CCDC181: variants seen among roughly 807,000 people sequenced by gnomAD.
The protein encoded by CCDC181 is coiled-coil domain-containing protein 181.
A neutral mutation model predicts 58.7 loss-of-function variants in CCDC181; 35 were observed. The ratio of observed to expected loss-of-function variants is 0.60; its 90% confidence interval spans 0.46 to 0.79. The LOEUF is 0.79. Among genes scored for constraint, CCDC181 ranks in the 30% least tolerant of loss-of-function variants. The pLI is 0.00. For synonymous variants in CCDC181, 183 were observed against 197.5 expected (o/e 0.93, Z 0.62); for missense variants, 517 against 583.9 (o/e 0.89, Z 1.18).
chr1:169,403,670 G>C (rs190218489), intron 4 of CCDC181, among the ~76,000 whole-genome samples: 43 of 152,318 alleles, frequency 2.8e-4, no homozygotes, highest in Admixed American at 5.9e-4. Context: ...AGTGTGTAGA[G>C]TGAAATTTAT....
At chr1:169,407,660 C>T (rs1439387612) in intron 4 of CCDC181, among the ~76,000 whole-genome samples, 2 of 152,120 alleles carry the variant, frequency 1.3e-5, no homozygotes, top group South Asian at 2.1e-4. Flanking sequence ...ATAGGAACAG[C>T]TCCAATCTGC....
At chr1:169,455,819 C>T (rs997506392) in intron 2 of CCDC181, among the ~76,000 whole-genome samples, 4 of 152,100 alleles carry the variant, frequency 2.6e-5, no homozygotes, top group African/African-American at 9.7e-5. Context: ...TGCAGGTGTG[C>T]ACTCACACAT....
In CCDC181 at chr1:169,422,127, T is replaced by A; in HGVS notation, c.304A>T (p.Asn102Tyr). The A allele has an allele frequency of 5.6e-6, 9 of 1,613,542 alleles. No individual in the cohort carries two copies. Among genetic ancestry groups the A allele is most frequent in the Non-Finnish European group, 7.6e-6 (9 of 1,179,648 alleles). Residue 102 changes from asparagine to tyrosine, a missense_variant, in exon 3 of 6, where the codon AAC (asparagine) becomes TAC (tyrosine). Transcript: ENST00000367806. Reference sequence around the variant, plus strand: ...TCTAGTTTGGATTCCTGGAAAGAGTTTTCACTATCTGAATCTGATATGGGA... The same window carrying A: ...TCTAGTTTGGATTCCTGGAAAGAGTATTCACTATCTGAATCTGATATGGGA... ...LDPISDSDSENSFQESKLESQ... is the reference protein window; with the variant it reads ...LDPISDSDSEYSFQESKLESQ...
At chr1:169,428,004 A>G (rs1274456193), upstream of CCDC181, among the ~76,000 whole-genome samples, 2 of 152,208 alleles carry the variant, frequency 1.3e-5, no homozygotes, top group African/African-American at 4.8e-5. Context: ...GATTTTAACA[A>G]CTATCCATTC....
At chr1:169,429,288 A>C (rs913284976), upstream of CCDC181, among the ~76,000 whole-genome samples, 3 of 152,180 alleles carry the variant, frequency 2.0e-5, no homozygotes, top group African/African-American at 4.8e-5. Context: ...TTTTTCACAT[A>C]ATGACTTCTT....
chr1:169,412,143 C>T (rs1490009841), intron 4 of CCDC181, among the ~76,000 whole-genome samples: 1 of 152,024 alleles, frequency 6.6e-6, no homozygotes, highest in African/African-American at 2.4e-5. Flanking sequence ...TCATCTTAGC[C>T]CAAAATCTCC....
At chr1:169,397,449 C>T in intron 4 of CCDC181, 58 bp from the exon 5 acceptor site, 3 of 1,434,288 alleles carry the variant, frequency 2.1e-6, no homozygotes, top group Non-Finnish European at 2.8e-6. Context: ...ATTTTGAAGC[C>T]CTGCTTATGG....
chr1:169,459,929 AGGAGGAGGCGGAGGG>A (rs1657799392), intron 1 of CCDC181: 1 of 145,690 alleles, frequency 6.9e-6, no homozygotes, highest in African/African-American at 2.7e-5. Flanking sequence ...AAAAAAAAAA[AGGAGGAGGCGGAGGG>A]GAAGCAGGAG....
chr1:169,440,225 T>C (rs1389408503), intron 2 of CCDC181, among the ~76,000 whole-genome samples: 1 of 152,184 alleles, frequency 6.6e-6, no homozygotes, highest in African/African-American at 2.4e-5. Flanking sequence ...CAGCCCCCAG[T>C]CCAAGAGAAC....
rs1038165980 is a variant in CCDC181 at position 169,451,735 on chromosome 1, GA to G, written c.-24+8061del. Among the ~76,000 whole-genome samples the G allele has an allele frequency of 3.6e-5, 5 of 140,120 alleles. 1 individual carries two copies. The highest frequency in any genetic ancestry group is 3.1e-4 in the Admixed American group (4 of 13,036). The allele number at this position is 140,120 out of a possible 152,430, so 91.9% of individuals were successfully genotyped here. A position where few individuals can be genotyped will look rare whatever the true frequency, so the allele number is the denominator to read the frequency against. On this transcript the variant is annotated intron_variant, in intron 2 of 6. Coordinates refer to the CCDC181 transcript ENST00000545005. ...AATACCCAAGCTGGCGCAATTTAAA[GA>G]AAAAAAAAAGATGACATGAAAATTG...
At chr1:169,458,189 G>GTT (rs200027213) in intron 2 of CCDC181, among the ~76,000 whole-genome samples, 2 of 74,480 alleles carry the variant, frequency 2.7e-5, no homozygotes, top group African/African-American at 4.3e-5. Flanking sequence ...TTTTTTTTTT[G>GTT]TTTTGTTTTT....
At chr1:169,432,443 A>T (rs1432635384), upstream of CCDC181, among the ~76,000 whole-genome samples, 1 of 152,126 alleles carries the variant, frequency 6.6e-6, no homozygotes, top group African/African-American at 2.4e-5. Flanking sequence ...ATGGCTGAAA[A>T]CTTCCCAAGT....
chr1:169,455,206 T>C (rs921528736), intron 2 of CCDC181, among the ~76,000 whole-genome samples: 2 of 152,084 alleles, frequency 1.3e-5, no homozygotes, highest in East Asian at 3.9e-4. Flanking sequence ...TCAAGGCTCG[T>C]ATGTTTTCAT....
chr1:169,450,609 A>G (rs1657510198), intron 2 of CCDC181, among the ~76,000 whole-genome samples: 1 of 152,212 alleles, frequency 6.6e-6, no homozygotes, highest in African/African-American at 2.4e-5. Flanking sequence ...TATTATTGCT[A>G]TAAGAATGTG....
chr1:169,434,845 AAC>A (rs1444764990), intron 2 of CCDC181, among the ~76,000 whole-genome samples: 4 of 152,032 alleles, frequency 2.6e-5, no homozygotes, highest in Non-Finnish European at 5.9e-5. Context: ...AAGTCATAAA[AAC>A]ACAATATTGT....
intron 2 of CCDC181, among the ~76,000 whole-genome samples, chr1:169,453,728 T>C (rs1657611276): frequency 2.4e-5 from 1 of 42,344 alleles, no homozygotes; most frequent in Non-Finnish European, 7.1e-5. Context: ...ACATAATTCT[T>C]TTTTTTTTTT....
chr1:169,413,925 G>C (rs939215233), intron 4 of CCDC181, among the ~76,000 whole-genome samples: 5 of 152,000 alleles, frequency 3.3e-5, no homozygotes, highest in Admixed American at 6.6e-5. Context: ...TGTAGATGAC[G>C]GGTTGATGGG....
intron 1 of CCDC181, among the ~76,000 whole-genome samples, chr1:169,426,882 A>C (rs2102105499): frequency 6.6e-6 from 1 of 152,298 alleles, no homozygotes; most frequent in Middle Eastern, 3.4e-3. Context: ...TTTAGGTGAT[A>C]ATTTTAATCT....
At position 169,395,255 on chromosome 1, in the gene CCDC181, C is replaced by G. The variant is rs766760106; in HGVS notation, c.1371-49G>C. ...TTTGGTGAGTATCAACCTGAATACA[C>G]TCTTCATGCTATAAAGTTACTATTA... On this transcript the variant is annotated intron_variant, in intron 5 of 5. Transcript: ENST00000367806. The G allele has an allele frequency of 1.5e-5, 22 of 1,474,012 alleles. No individual in the cohort carries two copies. In the Admixed American group the frequency reaches 4.9e-4, roughly 33 times the overall value. The allele number at this position is 1,474,012 out of a possible 1,614,324, so 91.3% of individuals were successfully genotyped here. A position where few individuals can be genotyped will look rare whatever the true frequency, so the allele number is the denominator to read the frequency against.
Sources: allele counts gnomAD v4.1 joint callset (sites outside exome capture counted in the v4.1 genomes callset), GRCh38; gene constraint gnomAD v4.1.1; transcripts MANE v1.5; gene names NCBI Gene and HGNC (gene_info 2026-07-23, HGNC 2026-07-21).